Variants in SIPA1L2 observed in about 807,000 individuals in gnomAD.
SIPA1L2 encodes the protein signal-induced proliferation-associated 1-like protein 2.
A neutral mutation model predicts 163.9 loss-of-function variants in SIPA1L2; 56 were observed. The ratio of observed to expected loss-of-function variants is 0.34; its 90% CI spans 0.28 to 0.43. The LOEUF is 0.43. Ranked by LOEUF, SIPA1L2 falls within the 20% of genes least tolerant of loss-of-function variation. The probability of loss-of-function intolerance (pLI) is 1.00; values close to 1 mark genes in which losing one functional copy is unlikely to be tolerated. For synonymous variants in SIPA1L2, 877 were observed against 865.7 expected, an observed-to-expected ratio of 1.01 and a Z score of -0.23; for missense variants, 1,974 against 2,193.5, an observed-to-expected ratio of 0.90 and a Z score of 2.00.
At chr1:232,453,557 A>G (rs1310377902) in intron 10 of SIPA1L2, among the ~76,000 whole-genome samples, 1 of 152,234 alleles carries the variant, frequency 6.6e-6, no homozygotes, top group Non-Finnish European at 1.5e-5. Context: ...TAGCATGTGT[A>G]GCACTTTATA....
rs112792596 is a variant in SIPA1L2, at chr1:232,549,503, A to G, written c.-270+24671T>C. 3.0e-3 allele frequency among the ~76,000 whole-genome samples: 455 copies of G among 152,348 alleles called. 4 individuals are homozygous for G. The highest frequency in any genetic ancestry group is 4.9e-3 in the Non-Finnish European group (336 of 68,030). ...TAGAGAAGAAGCCAGGTAGTATAAGAAAACTCTCAAGAATTGTTAACATGT... is the reference window on the plus strand; with the variant it reads ...TAGAGAAGAAGCCAGGTAGTATAAGGAAACTCTCAAGAATTGTTAACATGT... On this transcript the variant is annotated intron_variant, in intron 2 of 22. Transcript: ENST00000674635.
intron 5 of SIPA1L2, chr1:232,490,604 C>A: frequency 2.9e-6 from 1 of 342,378 alleles, no homozygotes; most frequent in East Asian, 5.5e-5. Context: ...TTCTATTAAT[C>A]ATGCAATCAG....
At chr1:232,503,432 G>C (rs1666577718) in intron 3 of SIPA1L2, among the ~76,000 whole-genome samples, 1 of 152,168 alleles carries the variant, frequency 6.6e-6, no homozygotes, top group African/African-American at 2.4e-5. Context: ...GGTTTAAGTG[G>C]TAACTCACTA....
chr1:232,556,520 G>A (rs1020400961), intron 2 of SIPA1L2, among the ~76,000 whole-genome samples: 1 of 152,100 alleles, frequency 6.6e-6, no homozygotes, highest in African/African-American at 2.4e-5. Context: ...CAATTCAAAA[G>A]GCAGCTATCA....
rs543470110 is a variant in SIPA1L2, at chr1:232,460,720, GAACGAGTGACATCCCAACAACATTGTACA to G, written c.3095+138_3095+166del. On this transcript the variant is annotated intron_variant, in intron 10 of 22. Coordinates refer to ENST00000674635, the MANE Select transcript of SIPA1L2 (RefSeq NM_020808.5). ...TTTTAAAGCTCCTTTTCAATTCCTC[GAACGAGTGACATCCCAACAACATTGTACA>G]AATGAGTGACATCCCAGAACACTGT... Among the ~76,000 whole-genome samples the G allele has an allele frequency of 1.8e-4, 27 of 152,094 alleles. No individual in the cohort carries two copies. In the East Asian group the frequency reaches 5.2e-3, roughly 29 times the overall value.
At chr1:232,497,374 G>C in intron 3 of SIPA1L2, among the ~76,000 whole-genome samples, 1 of 145,682 alleles carries the variant, frequency 6.9e-6, no homozygotes, top group East Asian at 2.0e-4. Flanking sequence ...GGAAGGGCCA[G>C]TGGTCCTTGC....
chr1:232,624,157 T>C (rs1027836385), intron 1 of SIPA1L2, among the ~76,000 whole-genome samples: 1 of 152,142 alleles, frequency 6.6e-6, no homozygotes, highest in Non-Finnish European at 1.5e-5. Context: ...CATGAACACT[T>C]AGACAATTGT....
At chr1:232,545,852 C>A (rs1213198098) in intron 2 of SIPA1L2, among the ~76,000 whole-genome samples, 1 of 152,192 alleles carries the variant, frequency 6.6e-6, no homozygotes, top group African/African-American at 2.4e-5. Context: ...AAATAAAAAT[C>A]TATATTACTT....
chr1:232,424,243 G>A lies in SIPA1L2; in HGVS notation c.4630+1346C>T, dbSNP rs182759042. Among the ~76,000 whole-genome samples the A allele has an allele frequency of 7.0e-5, 10 of 142,168 alleles. No individual in the cohort carries two copies. In the East Asian group the frequency reaches 1.2e-3, roughly 17 times the overall value. 93.3% of individuals were successfully genotyped at this position (142,168 alleles called of 152,430 possible). A position where few individuals can be genotyped will look rare whatever the true frequency, so the allele number is the denominator to read the frequency against. On this transcript the variant is annotated intron_variant, in intron 18 of 22. Coordinates refer to ENST00000674635, the MANE Select transcript of SIPA1L2 (RefSeq NM_020808.5). The stretch of plus-strand genomic sequence containing the variant: ...ACAGTGGGGAAAATGTGTTGAGGAG[G>A]TATATGGAAAACCCCTGTATTTTTT...
chr1:232,562,675 A>T (rs967757851), intron 2 of SIPA1L2, among the ~76,000 whole-genome samples: 1 of 152,216 alleles, frequency 6.6e-6, no homozygotes, highest in Non-Finnish European at 1.5e-5. Flanking sequence ...GCCATTTTAA[A>T]AACAAATGTA....
At chr1:232,585,113 G>A (rs1660586687) in intron 1 of SIPA1L2, among the ~76,000 whole-genome samples, 1 of 152,178 alleles carries the variant, frequency 6.6e-6, no homozygotes, top group African/African-American at 2.4e-5. Flanking sequence ...GCTAACTTCT[G>A]TAATAAATGT....
intron 20 of SIPA1L2, among the ~76,000 whole-genome samples, chr1:232,403,919 G>A (rs973782887): frequency 3.3e-5 from 5 of 152,120 alleles, no homozygotes; most frequent in Non-Finnish European, 5.9e-5. Context: ...ATAATGACTC[G>A]ACTGACAGAA....
chr1:232,621,383 T>C (rs1662802876), intron 1 of SIPA1L2, among the ~76,000 whole-genome samples: 1 of 151,996 alleles, frequency 6.6e-6, no homozygotes, highest in Non-Finnish European at 1.5e-5. Context: ...CCCTTCTTCC[T>C]TTCTGTCTTT....
rs772065695 is a variant in SIPA1L2 at position 232,399,240 on chromosome 1, C to G, written c.5056G>C (p.Val1686Leu). ...ATGTTGTCCTGTCTCAGGTGCTGCA[C>G]TTCTGCTTGGAGAACGGCCTTGTCT... ...KQDKAVLQAE[V>L]QHLRQDNMRL... Residue 1686 changes from valine (V) to leucine (L), a missense_variant, in exon 23 of 23, where the codon GTG becomes CTG. Around this residue, in one of 3 missense-constraint regions of SIPA1L2, gnomAD observed 1,079 missense variants for 1,150.7 expected, o/e 0.94. Coordinates refer to ENST00000674635, the MANE Select transcript of SIPA1L2 (RefSeq NM_020808.5). The G allele has an allele frequency of 7.4e-6, 12 of 1,613,590 alleles. No individual in the cohort carries two copies. Among genetic ancestry groups the G allele is most frequent in the South Asian group, 2.2e-5 (2 of 91,062 alleles).
chr1:232,603,369 G>T (rs1041833742), intron 1 of SIPA1L2, among the ~76,000 whole-genome samples: 10 of 151,438 alleles, frequency 6.6e-5, no homozygotes, highest in African/African-American at 2.4e-4. Context: ...ATCATGCAAA[G>T]TGACAATAAG....
chr1:232,580,190 T>C (rs36005173), intron 1 of SIPA1L2, among the ~76,000 whole-genome samples: 15,121 of 152,206 alleles, frequency 0.099, 766 homozygotes, highest in Non-Finnish European at 0.11. Context: ...AGTAACTTCC[T>C]GGTGTTGCCA....
chr1:232,414,363 C>T (rs12022620), intron 19 of SIPA1L2, among the ~76,000 whole-genome samples: 9,804 of 152,208 alleles, frequency 0.064, 755 homozygotes, highest in East Asian at 0.41. Context: ...CTCCCTAACG[C>T]ATTACGCTAG....
At chr1:232,511,857 G>A (rs10458345) in intron 3 of SIPA1L2, among the ~76,000 whole-genome samples, 139,746 of 152,276 alleles carry the variant, frequency 0.92, 64,840 homozygotes, top group African/African-American at 0.99. Flanking sequence ...AATGACAACA[G>A]AAGCCAAAAA....
intron 2 of SIPA1L2, among the ~76,000 whole-genome samples, chr1:232,568,752 G>C (rs1055940608): frequency 6.6e-6 from 1 of 152,060 alleles, no homozygotes; most frequent in African/African-American, 2.4e-5. Flanking sequence ...TTTTCACTCT[G>C]AATAAAGTAC....
Sources: allele counts gnomAD v4.1 joint callset (sites outside exome capture counted in the v4.1 genomes callset), GRCh38; gene constraint gnomAD v4.1.1; regional missense constraint gnomAD v4.1.1; transcripts MANE v1.5; gene names NCBI Gene and HGNC (gene_info 2026-07-23, HGNC 2026-07-21).